The following R3HDML variants were observed in gnomAD, a reference collection of about 807,000 sequenced individuals.
R3HDML encodes R3H domain containing like.
Under a neutral mutation model 24.2 loss-of-function variants are expected in R3HDML, and 21 were observed. That is an observed-to-expected ratio of 0.87 (90% CI 0.62 to 1.25). The LOEUF (loss-of-function observed/expected upper bound fraction) is 1.25, where lower values mean the gene tolerates loss of function less well. Among genes scored for constraint, R3HDML ranks in the 50% most tolerant of loss-of-function variants. The pLI, the probability that R3HDML is intolerant of heterozygous loss-of-function variation, is 0.00. For missense variants in R3HDML, 301 were observed against 340.3 expected, an observed-to-expected ratio of 0.88 and a Z score of 0.91; for synonymous variants, 133 against 131.5, an observed-to-expected ratio of 1.01 and a Z score of -0.08.
At chr20:44,348,552 G>C (rs1281204090) in intron 4 of R3HDML, among the ~76,000 whole-genome samples, 1 of 141,200 alleles carries the variant, frequency 7.1e-6, no homozygotes, top group Non-Finnish European at 1.6e-5. Context: ...ACCCAGGCTG[G>C]AGTGCAGTGG....
In R3HDML at chr20:44,343,499, A is replaced by T. The variant is rs553237922; in HGVS notation, c.503A>T (p.His168Leu). 2 of 1,607,044 alleles carry T rather than the reference A, an allele frequency of 1.2e-6. No homozygotes were observed. Among genetic ancestry groups the T allele is most frequent in the South Asian group, 2.2e-5 (2 of 89,952 alleles). Residue 168 changes from histidine to leucine, a missense_variant, in exon 3 of 5, where the codon CAT (histidine) becomes CTT (leucine). Transcript: ENST00000217043. Reference sequence around the variant, plus strand: ...CGCTGCGATGGCCCCACCTGCTCCCATTATACCCAGGTACTCCTCCGTCAG... The same window carrying T: ...CGCTGCGATGGCCCCACCTGCTCCCTTTATACCCAGGTACTCCTCCGTCAG... The part of the protein sequence containing the change: ...PWRCDGPTCS[H>L]YTQMVWASSN...
At chr20:44,348,411 CCTTCCT>C (rs1449320259) in intron 4 of R3HDML, among the ~76,000 whole-genome samples, 5 of 151,142 alleles carry the variant, frequency 3.3e-5, no homozygotes, top group Non-Finnish European at 7.4e-5. Context: ...TTCCCCTTCC[CCTTCCT>C]TTCTTTCCTT....
At chr20:44,339,579 ATGTG>A (rs140076477) in intron 1 of R3HDML, among the ~76,000 whole-genome samples, 237 of 148,024 alleles carry the variant, frequency 1.6e-3, no homozygotes, top group Non-Finnish European at 2.2e-3. Flanking sequence ...GCCTATATAT[ATGTG>A]TGTGTGTGTG....
intron 3 of R3HDML, among the ~76,000 whole-genome samples, chr20:44,343,813 C>G (rs974701359): frequency 2.6e-5 from 4 of 151,708 alleles, no homozygotes; most frequent in Non-Finnish European, 4.4e-5. Flanking sequence ...CTCTGTCCCC[C>G]CCGCAAAAAA....
At chr20:44,343,061 A>G (rs1313079161) in intron 2 of R3HDML, among the ~76,000 whole-genome samples, 1 of 152,206 alleles carries the variant, frequency 6.6e-6, no homozygotes, top group African/African-American at 2.4e-5. Context: ...TCAGAGGCCT[A>G]GGAGATCATC....
rs1165637176 is a variant in R3HDML at position 44,337,218 on chromosome 20, G to A, written c.61G>A (p.Val21Met). 1.9e-6 allele frequency: 3 copies of A among 1,613,792 alleles called. No homozygotes were observed. Among genetic ancestry groups the A allele is most frequent in the Non-Finnish European group, 8.5e-7 (1 of 1,180,010 alleles). ...CCTGCTCTTCTGGGCTGGCCAGGCAGTGAACGCCTTGATAATGCCTAATGC... is the reference window on the plus strand; with the variant it reads ...CCTGCTCTTCTGGGCTGGCCAGGCAATGAACGCCTTGATAATGCCTAATGC... ...AGLLFWAGQA[V>M]NALIMPNATP... The change falls in exon 1 of 5, where the codon GTG (valine) becomes ATG (methionine). Residue 21 changes from valine to methionine, a missense_variant. By Grantham distance (21) the Val-to-Met change is conservative. Transcript: ENST00000217043. The surrounding 1 kb of genome is among the most constrained non-coding windows in gnomAD (Gnocchi z 4.7).
At chr20:44,348,589 G>A (rs1016524979) in intron 4 of R3HDML, among the ~76,000 whole-genome samples, 3 of 151,440 alleles carry the variant, frequency 2.0e-5, no homozygotes, top group Non-Finnish European at 4.4e-5. Context: ...CAACCTCCAC[G>A]TTCCTGGTTC....
intron 1 of R3HDML, among the ~76,000 whole-genome samples, chr20:44,339,165 A>AGGCTGACTTCTACT (rs1249142184): frequency 1.3e-5 from 2 of 151,240 alleles, no homozygotes; most frequent in African/African-American, 4.9e-5. Flanking sequence ...ACTTCTACTC[A>AGGCTGACTTCTACT]CAGAACAGGC....
chr20:44,337,141 G>T lies in R3HDML; in HGVS notation c.-17G>T. On this transcript the variant is annotated 5_prime_UTR_variant, in exon 1 of 5. Transcript: ENST00000217043. The surrounding 1 kb of genome is among the most constrained non-coding windows in gnomAD (Gnocchi z 4.7). ...CTCTGATTGCACAAGGCAGACCTGT[G>T]ACTCCTCCATCCAGCTATGCCCCTG... The T allele has an allele frequency of 6.2e-7, 1 of 1,606,948 alleles. No homozygotes were observed. The highest frequency in any genetic ancestry group is 1.1e-5 in the South Asian group (1 of 90,664).
At chr20:44,346,414 C>A (rs755047664) in intron 4 of R3HDML, among the ~76,000 whole-genome samples, 10 of 152,216 alleles carry the variant, frequency 6.6e-5, no homozygotes, top group Non-Finnish European at 1.2e-4. Flanking sequence ...CTACCCAGCC[C>A]AATAATCCTT....
rs202187624 is a variant in R3HDML, at chr20:44,345,337, C to T, written c.588C>T (p.Thr196=). ...TCSSISVWGN[T]WHRAAYLVCN... ...GTAGCATCAGTGTCTGGGGCAACAC[C>T]TGGCATCGGGCGGCATACCTGGTCT... Residue 196 remains threonine (T), a synonymous_variant, in exon 4 of 5, where the codon ACC becomes ACT. Coordinates refer to ENST00000217043, the MANE Select transcript of R3HDML (RefSeq NM_178491.4). The T allele has an allele frequency of 3.1e-6, 5 of 1,614,138 alleles. No homozygotes were observed. The highest frequency in any genetic ancestry group is 1.1e-5 in the South Asian group (1 of 91,064).
chr20:44,347,220 T>C (rs2062789802), intron 4 of R3HDML, among the ~76,000 whole-genome samples: 1 of 135,954 alleles, frequency 7.4e-6, no homozygotes, highest in South Asian at 2.5e-4. Context: ...TTTTCTTTTT[T>C]CTTTTTTTTT....
At chr20:44,346,987 C>A (rs545623780) in intron 4 of R3HDML, among the ~76,000 whole-genome samples, 1 of 152,040 alleles carries the variant, frequency 6.6e-6, no homozygotes, top group Non-Finnish European at 1.5e-5. Flanking sequence ...ACCAAAAATA[C>A]CAAAATTAGC....
At chr20:44,348,508 T>TCCTTTCCTTTA (rs1408355138) in intron 4 of R3HDML, among the ~76,000 whole-genome samples, 2 of 150,096 alleles carry the variant, frequency 1.3e-5, no homozygotes, top group Non-Finnish European at 3.0e-5. Context: ...TCCTTTCCTT[T>TCCTTTCCTTTA]CCTTTCCTTT....
intron 3 of R3HDML, 31 bp downstream of exon 3, chr20:44,343,540 G>T (rs1433283086): frequency 1.3e-6 from 2 of 1,556,724 alleles, no homozygotes; most frequent in Admixed American, 2.1e-5. Flanking sequence ...AGGGCCCCTG[G>T]GATAACACAT....
At position 44,337,746 on chromosome 20, in the gene R3HDML, G is replaced by GCCTGAGGTCA. The variant is rs2062761666; in HGVS notation, c.261+330_261+331insTGAGGTCACC. On this transcript the variant is annotated intron_variant, in intron 1 of 4. Transcript: ENST00000217043. The surrounding 1 kb of genome is among the most constrained non-coding windows in gnomAD (Gnocchi z 4.7). ...AAACTGAGACTCAGAGAATTAATTT[G>GCCTGAGGTCA]CCCAGCCAGGATTTCAATCCAGGTC... 6.6e-6 allele frequency among the ~76,000 whole-genome samples: 1 copy of GCCTGAGGTCA among 151,760 alleles called. No individual in the cohort carries two copies. Among genetic ancestry groups the GCCTGAGGTCA allele is most frequent in the African/African-American group, 2.4e-5 (1 of 41,396 alleles).
rs928507397 is a variant in R3HDML at position 44,337,488 on chromosome 20, G to T, written c.261+70G>T. 167 of 1,528,544 alleles carry T rather than the reference G, an allele frequency of 1.1e-4. No homozygotes were observed. The highest frequency in any genetic ancestry group is 1.4e-4 in the Non-Finnish European group (156 of 1,120,062). The allele number at this position is 1,528,544 out of a possible 1,614,324, so 94.7% of individuals were successfully genotyped here. On this transcript the variant is annotated intron_variant, in intron 1 of 4. Coordinates refer to ENST00000217043, the MANE Select transcript of R3HDML (RefSeq NM_178491.4). This position sits in a 1 kb window ranked among gnomAD's most constrained non-coding sequence, Gnocchi z 4.7. ...GGCAAACGCAGCCGGACTCATCTTG[G>T]CCTAGAATGACTGGCTTTGAAGAGC...
In R3HDML at chr20:44,337,287, C is replaced by T; in HGVS notation, c.130C>T (p.Leu44=). ...AQPESTAMRL[L]SGLEVPRYRR... is the part of the protein sequence containing the mutation. ...GCCCGAGAGCACGGCTATGCGGCTC[C>T]TGAGTGGCCTGGAGGTGCCCAGGTA... is the stretch of plus-strand genomic sequence containing the variant. The change falls in exon 1 of 5, where the codon CTG becomes TTG. Residue 44 remains leucine (L), a synonymous_variant. Coordinates refer to ENST00000217043, the MANE Select transcript of R3HDML (RefSeq NM_178491.4). This position sits in a 1 kb window ranked among gnomAD's most constrained non-coding sequence, Gnocchi z 4.7. 1 of 1,614,218 alleles carries T rather than the reference C, an allele frequency of 6.2e-7. No individual in the cohort carries two copies.
intron 2 of R3HDML, among the ~76,000 whole-genome samples, chr20:44,342,620 T>G (rs2062775184): frequency 6.6e-6 from 1 of 152,206 alleles, no homozygotes; most frequent in South Asian, 2.1e-4. Context: ...ATGTATATTT[T>G]TATATATTTG....
Sources: gnomAD v4.1 joint callset for allele counts (sites outside exome capture counted in the v4.1 genomes callset) on GRCh38, gnomAD v4.1.1 for gene constraint, Gnocchi (gnomAD v3.1) non-coding constraint, MANE v1.5 for transcripts, NCBI Gene and HGNC (gene_info 2026-07-23, HGNC 2026-07-21) for gene names.